The following GRID2 variants were observed in gnomAD, a reference collection of about 807,000 sequenced individuals.
GRID2 encodes glutamate ionotropic receptor delta type subunit 2, also known as glutamate receptor ionotropic, delta-2.
GRID2 carries 33 observed loss-of-function variants against 114.8 expected under a neutral mutation model. That is an observed-to-expected ratio of 0.29 (90% CI 0.22 to 0.38). The LOEUF (loss-of-function observed/expected upper bound fraction) is 0.38, where lower values mean the gene tolerates loss of function less well. Ranked by LOEUF, GRID2 falls within the 10% of genes least tolerant of loss-of-function variation. The pLI is 1.00. For missense variants in GRID2, 1,184 were observed against 1,257.7 expected (o/e 0.94, Z 0.89); for synonymous variants, 505 against 449.9 (o/e 1.12, Z -1.55).
At chr4:93,466,858 G>T (rs1224555874) in intron 11 of GRID2, among the ~76,000 whole-genome samples, 1 of 152,138 alleles carries the variant, frequency 6.6e-6, no homozygotes, top group Non-Finnish European at 1.5e-5. Context: ...AAGCAGTCTT[G>T]TCAATTATAT....
intron 4 of GRID2, among the ~76,000 whole-genome samples, chr4:93,130,291 A>C (rs1734680917): frequency 6.6e-6 from 1 of 152,096 alleles, no homozygotes; most frequent in Non-Finnish European, 1.5e-5. Context: ...AGTTTTAAAA[A>C]TTAGCCAGTT....
intron 2 of GRID2, among the ~76,000 whole-genome samples, chr4:92,931,881 T>C (rs1750268131): frequency 6.6e-6 from 1 of 151,158 alleles, no homozygotes; most frequent in African/African-American, 2.4e-5. Flanking sequence ...AAAGAAGGCC[T>C]TTTTAATAGA....
At chr4:93,320,820 G>C (rs1257783229) in intron 8 of GRID2, among the ~76,000 whole-genome samples, 1 of 151,984 alleles carries the variant, frequency 6.6e-6, no homozygotes, top group East Asian at 1.9e-4. Flanking sequence ...CATTAATATA[G>C]TTTTTAATCT....
chr4:93,367,297 C>G (rs937192752), intron 8 of GRID2, among the ~76,000 whole-genome samples: 2 of 150,062 alleles, frequency 1.3e-5, no homozygotes, highest in Non-Finnish European at 3.0e-5. Flanking sequence ...AGACTGGTCA[C>G]TCTTAAAATA....
intron 14 of GRID2, among the ~76,000 whole-genome samples, chr4:93,758,316 T>C (rs1377027569): frequency 2.0e-5 from 3 of 152,222 alleles, no homozygotes; most frequent in Non-Finnish European, 4.4e-5. Flanking sequence ...CACTCCTGGC[T>C]GAGAGTTTTT....
chr4:92,893,588 T>A (rs1201091108), intron 2 of GRID2, among the ~76,000 whole-genome samples: 1 of 152,170 alleles, frequency 6.6e-6, no homozygotes, highest in African/African-American at 2.4e-5. Context: ...AGCCCATGTG[T>A]AACTTTTTTT....
At chr4:92,457,666 A>G (rs1273601875) in intron 1 of GRID2, among the ~76,000 whole-genome samples, 1 of 152,162 alleles carries the variant, frequency 6.6e-6, no homozygotes, top group African/African-American at 2.4e-5. Context: ...CAGGAACATT[A>G]TATGTGTAGC....
chr4:93,423,251 A>G (rs1328585242), intron 10 of GRID2, among the ~76,000 whole-genome samples: 2 of 151,822 alleles, frequency 1.3e-5, no homozygotes, highest in Non-Finnish European at 2.9e-5. Flanking sequence ...TGCTCAACTT[A>G]TACCCCAAAA....
intron 1 of GRID2, among the ~76,000 whole-genome samples, chr4:92,385,604 A>G (rs1729909972): frequency 6.6e-6 from 1 of 151,554 alleles, no homozygotes; most frequent in Non-Finnish European, 1.5e-5. Context: ...TTTCAGCTGC[A>G]TTTTCAAAAC....
At chr4:93,407,741 C>T (rs866017656) in intron 9 of GRID2, among the ~76,000 whole-genome samples, 82 of 121,330 alleles carry the variant, frequency 6.8e-4, no homozygotes, top group African/African-American at 2.8e-3. Context: ...TCCTCCTCCT[C>T]CTCCTCCTCC....
chr4:93,374,423 AG>A (rs1219231259), intron 8 of GRID2, among the ~76,000 whole-genome samples: 1 of 152,180 alleles, frequency 6.6e-6, no homozygotes, highest in African/African-American at 2.4e-5. Context: ...GGATAGGCTG[AG>A]GAAATGGTAC....
At chr4:92,899,696 A>C (rs1236030132) in intron 2 of GRID2, among the ~76,000 whole-genome samples, 3 of 152,262 alleles carry the variant, frequency 2.0e-5, no homozygotes, top group African/African-American at 7.2e-5. Context: ...GCTATTGTGC[A>C]AAATGAAAGC....
At chr4:93,018,700 G>A (rs1029207817) in intron 2 of GRID2, among the ~76,000 whole-genome samples, 1 of 152,108 alleles carries the variant, frequency 6.6e-6, no homozygotes, top group Non-Finnish European at 1.5e-5. Flanking sequence ...CTGGTGTAAA[G>A]AGAAAGTAAG....
chr4:93,174,477 G>T (rs539679743), intron 4 of GRID2, among the ~76,000 whole-genome samples: 1 of 152,284 alleles, frequency 6.6e-6, no homozygotes, highest in East Asian at 1.9e-4. Flanking sequence ...GTAGTCCATA[G>T]TGCAGTGGAC....
intron 1 of GRID2, among the ~76,000 whole-genome samples, chr4:92,351,574 C>G (rs997484988): frequency 5.9e-5 from 9 of 151,752 alleles, no homozygotes; most frequent in African/African-American, 1.4e-4. Context: ...CTATAGACAC[C>G]CTACAGTGCT....
At chr4:92,474,661 A>G (rs1722208011) in intron 1 of GRID2, among the ~76,000 whole-genome samples, 1 of 151,748 alleles carries the variant, frequency 6.6e-6, no homozygotes, top group Non-Finnish European at 1.5e-5. Flanking sequence ...CCTTTTCTCC[A>G]TTTCCTCACC....
intron 14 of GRID2, among the ~76,000 whole-genome samples, chr4:93,721,442 A>C (rs960075845): frequency 6.6e-6 from 1 of 152,224 alleles, no homozygotes; most frequent in Non-Finnish European, 1.5e-5. Flanking sequence ...AGGTTAACAA[A>C]AGCTAAATAT....
intron 11 of GRID2, among the ~76,000 whole-genome samples, chr4:93,489,853 G>C (rs915126249): frequency 6.6e-6 from 1 of 151,944 alleles, no homozygotes; most frequent in Non-Finnish European, 1.5e-5. Context: ...GATGTCATAA[G>C]TTAGAGATGC....
At chr4:92,568,060 A>G (rs192832280) in intron 1 of GRID2, among the ~76,000 whole-genome samples, 321 of 152,186 alleles carry the variant, frequency 2.1e-3, no homozygotes, top group Middle Eastern at 0.02. Flanking sequence ...AAACAGGGTC[A>G]TCAAGGAGGG....
Sources: gnomAD v4.1 joint callset for allele counts (sites outside exome capture counted in the v4.1 genomes callset) on GRCh38, gnomAD v4.1.1 for gene constraint, MANE v1.5 for transcripts, NCBI Gene and HGNC (gene_info 2026-07-23, HGNC 2026-07-21) for gene names.